SLC24A2: variants seen among roughly 807,000 people sequenced by gnomAD.
The protein encoded by SLC24A2 is solute carrier family 24 member 2.
In SLC24A2, 36 loss-of-function variants were observed where a neutral mutation model predicts 62.0. That is an observed-to-expected ratio of 0.58 (90% CI 0.44 to 0.77). The LOEUF is 0.77. Among genes scored for constraint, SLC24A2 ranks in the 30% least tolerant of loss-of-function variants. The probability of loss-of-function intolerance (pLI) is 0.00; values close to 1 mark genes in which losing one functional copy is unlikely to be tolerated. For missense variants in SLC24A2, 846 were observed against 817.9 expected, an observed-to-expected ratio of 1.03 and a Z score of -0.42; for synonymous variants, 358 against 294.0, an observed-to-expected ratio of 1.22 and a Z score of -2.23.
At chr9:20,262,480 T>G in the SLC24A2 span, among the ~76,000 whole-genome samples, 1 of 152,190 alleles carries the variant, frequency 6.6e-6, no homozygotes, top group Non-Finnish European at 1.5e-5. Flanking sequence ...GGCAGAAATT[T>G]TTTCAGGATT....
chr9:20,228,663 G>C, the SLC24A2 span, among the ~76,000 whole-genome samples: 63 of 152,200 alleles, frequency 4.1e-4, no homozygotes, highest in African/African-American at 1.5e-3. Context: ...TCCAGGAAGA[G>C]GTCAAGTCCT....
In SLC24A2 at chr9:19,705,544, G is replaced by C. The variant is rs144667449; in HGVS notation, c.930+80393C>G. On this transcript the variant is annotated intron_variant, in intron 2 of 10. Transcript: ENST00000341998. ...AGCAGATCCAGCTTGCCCAGAAAGA[G>C]AAGGCAGCCATGGAAGTGGAAGCCC... 2.0e-3 allele frequency: 467 copies of C among 229,634 alleles called. 11 individuals carry two copies. In the East Asian group the frequency reaches 0.045, roughly 22 times the overall value. 14.2% of individuals were successfully genotyped at this position (229,634 alleles called of 1,614,324 possible).
At chr9:20,086,753 C>T in the SLC24A2 span, among the ~76,000 whole-genome samples, 1 of 152,192 alleles carries the variant, frequency 6.6e-6, no homozygotes, top group African/African-American at 2.4e-5. Context: ...CTAGGAAATA[C>T]TAAGCTATTT....
chr9:19,864,569 A>T, the SLC24A2 span, among the ~76,000 whole-genome samples: 2 of 152,148 alleles, frequency 1.3e-5, no homozygotes, highest in Admixed American at 6.5e-5. Context: ...ACATGATATC[A>T]ACAGAATGAA....
At chr9:20,229,707 T>G in the SLC24A2 span, among the ~76,000 whole-genome samples, 8 of 152,214 alleles carry the variant, frequency 5.3e-5, no homozygotes, top group African/African-American at 1.9e-4. Flanking sequence ...ATATTTTGTG[T>G]GATTATTTTT....
At chr9:20,289,958 G>A in the SLC24A2 span, among the ~76,000 whole-genome samples, 2 of 152,078 alleles carry the variant, frequency 1.3e-5, no homozygotes, top group South Asian at 4.2e-4. Flanking sequence ...CACACACATT[G>A]TAGCATCACA....
At chr9:19,822,785 G>A in the SLC24A2 span, among the ~76,000 whole-genome samples, 2 of 152,224 alleles carry the variant, frequency 1.3e-5, no homozygotes, top group Admixed American at 6.5e-5. Flanking sequence ...ATGTAAGGGA[G>A]TGCTCACTAG....
chr9:19,684,722 G>A (rs999420837), intron 2 of SLC24A2, among the ~76,000 whole-genome samples: 2 of 151,236 alleles, frequency 1.3e-5, no homozygotes, highest in African/African-American at 2.4e-5. Context: ...CAGATGACAA[G>A]ATGGCAGCAT....
chr9:20,124,882 T>C, the SLC24A2 span, among the ~76,000 whole-genome samples: 2 of 152,238 alleles, frequency 1.3e-5, no homozygotes, highest in African/African-American at 4.8e-5. Flanking sequence ...GATTCATTTA[T>C]TGAAGATAAG....
At chr9:20,035,028 A>T in the SLC24A2 span, among the ~76,000 whole-genome samples, 1 of 152,054 alleles carries the variant, frequency 6.6e-6, no homozygotes, top group Non-Finnish European at 1.5e-5. Context: ...TTAAATGAAA[A>T]ATATATATAT....
intron 4 of SLC24A2, among the ~76,000 whole-genome samples, chr9:19,604,986 C>T (rs576359525): frequency 6.6e-6 from 1 of 152,088 alleles, no homozygotes; most frequent in Non-Finnish European, 1.5e-5. Context: ...ATCCATGTAC[C>T]ATTACTCCTA....
chr9:19,660,075 A>T (rs891988898), intron 2 of SLC24A2, among the ~76,000 whole-genome samples: 3 of 152,202 alleles, frequency 2.0e-5, no homozygotes, highest in Admixed American at 2.0e-4. Flanking sequence ...CGGATGAAAG[A>T]TGCAGGTCTG....
the SLC24A2 span, among the ~76,000 whole-genome samples, chr9:20,048,541 C>T: frequency 3.3e-5 from 5 of 152,072 alleles, no homozygotes; most frequent in Non-Finnish European, 7.4e-5. Flanking sequence ...GCTCACAAAG[C>T]TAGTCTGAAA....
chr9:19,680,584 G>A (rs1407747594), intron 2 of SLC24A2, among the ~76,000 whole-genome samples: 1 of 144,722 alleles, frequency 6.9e-6, no homozygotes, highest in Non-Finnish European at 1.5e-5. Flanking sequence ...AACATTATGA[G>A]AAATGCAGAT....
chr9:20,001,702 T>C, the SLC24A2 span, among the ~76,000 whole-genome samples: 3 of 152,132 alleles, frequency 2.0e-5, no homozygotes, highest in Non-Finnish European at 2.9e-5. Flanking sequence ...TCCTACCGAG[T>C]CTTTAAGATT....
At chr9:19,847,213 T>C in the SLC24A2 span, among the ~76,000 whole-genome samples, 1 of 152,212 alleles carries the variant, frequency 6.6e-6, no homozygotes, top group Middle Eastern at 3.2e-3. Flanking sequence ...AGAGTATAAA[T>C]TTCTGCATTT....
At chr9:20,226,184 T>C in the SLC24A2 span, among the ~76,000 whole-genome samples, 6 of 152,128 alleles carry the variant, frequency 3.9e-5, no homozygotes, top group East Asian at 3.9e-4. Flanking sequence ...GAGGAAAAGA[T>C]AGTCTTCTTC....
intron 2 of SLC24A2, among the ~76,000 whole-genome samples, chr9:19,771,827 G>A (rs1035451895): frequency 3.9e-5 from 6 of 152,126 alleles, no homozygotes; most frequent in African/African-American, 4.8e-5. Context: ...ATTTTTTACC[G>A]TATATATGGA....
the SLC24A2 span, among the ~76,000 whole-genome samples, chr9:19,832,963 T>G: frequency 6.6e-6 from 1 of 152,060 alleles, no homozygotes; most frequent in Non-Finnish European, 1.5e-5. Context: ...AAGAAGACAT[T>G]TATGCAGCCA....
Sources: allele counts gnomAD v4.1 joint callset (sites outside exome capture counted in the v4.1 genomes callset), GRCh38; gene constraint gnomAD v4.1.1; transcripts MANE v1.5; gene names NCBI Gene and HGNC (gene_info 2026-07-23, HGNC 2026-07-21).